The following RBM38 variants were observed in gnomAD, a reference collection of about 807,000 sequenced individuals.
RBM38 encodes the protein RNA binding motif protein 38, also known as RNA-binding protein 38.
A neutral mutation model predicts 23.5 loss-of-function variants in RBM38; 11 were observed. The ratio of observed to expected loss-of-function variants is 0.47; its 90% CI spans 0.29 to 0.77. The LOEUF (loss-of-function observed/expected upper bound fraction) is 0.77. RBM38 is among the 30% of genes least tolerant of loss of function. RBM38 has a pLI of 0.08. For synonymous variants in RBM38, 165 were observed against 166.1 expected (o/e 0.99, Z 0.05); for missense variants, 330 against 351.9 (o/e 0.94, Z 0.50).
At chr20:57,391,989 C>T (rs1427887550) in intron 1 of RBM38, among the ~76,000 whole-genome samples, 171 bp downstream of exon 1, 1 of 138,184 alleles carries the variant, frequency 7.2e-6, no homozygotes, top group African/African-American at 2.6e-5. Context: ...CTGCCGGTCC[C>T]GCCCCCACCA....
chr20:57,393,877 C>G (rs1042942871), intron 3 of RBM38, among the ~76,000 whole-genome samples: 1 of 152,094 alleles, frequency 6.6e-6, no homozygotes, highest in Non-Finnish European at 1.5e-5. Flanking sequence ...CTATGGGCTT[C>G]TAGTCTGACT....
At position 57,407,735 on chromosome 20, in the gene RBM38, G is replaced by T. The variant is rs1034159207; in HGVS notation, c.609G>T (p.Val203=). ...AASPATAASF[V]GYSYPAAVPQ... is the part of the protein sequence containing the mutation. Reference sequence around the variant, plus strand: ...CGCCTGCCACGGCTGCCAGCTTCGTGGGCTACAGCTACCCTGCCGCCGTGC... The same window carrying T: ...CGCCTGCCACGGCTGCCAGCTTCGTTGGCTACAGCTACCCTGCCGCCGTGC... The change falls in exon 4 of 4, where the codon GTG becomes GTT. Residue 203 remains valine (V), a synonymous_variant. Coordinates refer to ENST00000356208, the MANE Select transcript of RBM38 (RefSeq NM_017495.6). This position sits in a 1 kb window ranked among gnomAD's most constrained non-coding sequence, Gnocchi z 4.0. 2 of 1,611,560 alleles carry T rather than the reference G, an allele frequency of 1.2e-6. No homozygotes were observed. Among genetic ancestry groups the T allele is most frequent in the South Asian group, 2.2e-5 (2 of 90,990 alleles).
intron 1 of RBM38, chr20:57,392,350 G>A (rs1220358831): frequency 3.7e-6 from 5 of 1,349,344 alleles, no homozygotes; most frequent in Non-Finnish European, 5.0e-6. Context: ...AAGTCCAGGC[G>A]GCCCCCCAAG....
chr20:57,408,738 C>G lies in RBM38; in HGVS notation c.*892C>G, dbSNP rs1461883221. ...GGAGGCCCCTCAGGCCCGTGCGGGC[C>G]ACTGTCTGCTGCCGCCTGCCGGGGT... On this transcript the variant is annotated 3_prime_UTR_variant, in exon 4 of 4. Transcript: ENST00000356208. 2.0e-5 allele frequency: 3 copies of G among 152,210 alleles called. No homozygotes were observed. The highest frequency in any genetic ancestry group is 4.4e-5 in the Non-Finnish European group (3 of 68,032). The allele number at this position is 152,210 out of a possible 1,614,324, so 9.4% of individuals were successfully genotyped here.
Position 57,391,639 on chromosome 20 carries a change from G to T in RBM38, c.58G>T (p.Ala20Ser). The T allele has an allele frequency of 1.4e-6, 2 of 1,460,334 alleles. No individual in the cohort carries two copies. The highest frequency in any genetic ancestry group is 3.1e-5 in the East Asian group (1 of 32,734). The allele number at this position is 1,460,334 out of a possible 1,614,324, so 90.5% of individuals were successfully genotyped here. ...PSAGFPRPLA[A>S]PGAMHGSQKD... ...CGCGGGCTTCCCGCGGCCCCTGGCCGCCCCCGGCGCCATGCACGGCTCGCA... is the reference window on the plus strand; with the variant it reads ...CGCGGGCTTCCCGCGGCCCCTGGCCTCCCCCGGCGCCATGCACGGCTCGCA... The change falls in exon 1 of 4, where the codon GCC becomes TCC. Residue 20 changes from alanine to serine, a missense_variant. This residue lies in a region of RBM38 where 95 missense variants were observed against 111.9 expected (regional missense o/e 0.85). Transcript: ENST00000356208.
intron 2 of RBM38, chr20:57,393,009 C>T (rs1052757179): frequency 2.2e-5 from 15 of 679,586 alleles, no homozygotes; most frequent in African/African-American, 5.4e-5. Flanking sequence ...ACCCCAGTTG[C>T]CAGCTGTCCT....
chr20:57,399,890 G>T (rs1267483087), intron 3 of RBM38: 1 of 456,350 alleles, frequency 2.2e-6, no homozygotes, highest in Admixed American at 2.3e-5. Context: ...CAGGGAAAGT[G>T]AAATGGGCTC....
Position 57,408,165 on chromosome 20 carries a change from C to G in RBM38, c.*319C>G. The G allele has an allele frequency of 2.2e-6, 1 of 449,916 alleles. No homozygotes were observed. The highest frequency in any genetic ancestry group is 4.1e-6 in the Non-Finnish European group (1 of 242,992). The allele number at this position is 449,916 out of a possible 1,614,324, so 27.9% of individuals were successfully genotyped here. A position where few individuals can be genotyped will look rare whatever the true frequency, so the allele number is the denominator to read the frequency against. ...CCTGCCTCTCCACACTCCAGGTTCC[C>G]TCAGGCTTGTGTCCCCACTGCTGCA... On this transcript the variant is annotated 3_prime_UTR_variant, in exon 4 of 4. Coordinates refer to ENST00000356208, the MANE Select transcript of RBM38 (RefSeq NM_017495.6).
chr20:57,402,704 C>A (rs1014137348), intron 3 of RBM38, among the ~76,000 whole-genome samples: 1 of 152,246 alleles, frequency 6.6e-6, no homozygotes, highest in Non-Finnish European at 1.5e-5. Context: ...GGCAGTGAAG[C>A]CTTGGGCCTG....
At chr20:57,398,679 C>T (rs2067299057) in intron 3 of RBM38, among the ~76,000 whole-genome samples, 1 of 152,264 alleles carries the variant, frequency 6.6e-6, no homozygotes, top group East Asian at 1.9e-4. Flanking sequence ...AGAAAGCAGC[C>T]TTTGGGTGGC....
At position 57,394,650 on chromosome 20, in the gene RBM38, A is replaced by G. The variant is rs192559648; in HGVS notation, c.416+1317A>G. ...CGTCTCGTCCTGGAATCTGTTTTGT[A>G]GATGTCTAGAGTCGTCTTAGAGGGT... On this transcript the variant is annotated intron_variant, in intron 3 of 3. Transcript: ENST00000356208. Among the ~76,000 whole-genome samples, 369 of 152,192 alleles carry G rather than the reference A, an allele frequency of 2.4e-3. 1 individual carries two copies. Among genetic ancestry groups the G allele is most frequent in the African/African-American group, 8.4e-3 (349 of 41,496 alleles).
rs576325524 is a variant in RBM38, at chr20:57,393,000, C to T, written c.361+223C>T. 52 of 694,284 alleles carry T rather than the reference C, an allele frequency of 7.5e-5. No homozygotes were observed. The Admixed American group carries it at 1.1e-3, about 14-fold the overall frequency. 43.0% of individuals were successfully genotyped at this position (694,284 alleles called of 1,614,324 possible). A position where few individuals can be genotyped will look rare whatever the true frequency, so the allele number is the denominator to read the frequency against. ...GGCGGGGGGCAGGGAGGGTACTGCA[C>T]CCCAGTTGCCAGCTGTCCTCGCAGG... On this transcript the variant is annotated intron_variant, in intron 2 of 3. Coordinates refer to ENST00000356208, the MANE Select transcript of RBM38 (RefSeq NM_017495.6).
intron 3 of RBM38, among the ~76,000 whole-genome samples, chr20:57,401,940 GT>G (rs1032037496): frequency 6.6e-6 from 1 of 152,064 alleles, no homozygotes; most frequent in Non-Finnish European, 1.5e-5. Flanking sequence ...GTGATGGGGT[GT>G]TGATGTTTTC....
At chr20:57,399,372 G>A (rs889831979) in intron 3 of RBM38, among the ~76,000 whole-genome samples, 4 of 152,334 alleles carry the variant, frequency 2.6e-5, no homozygotes, top group African/African-American at 7.2e-5. Flanking sequence ...GGCCCTTAGA[G>A]GATGCCCAGT....
chr20:57,392,487 C>A, intron 1 of RBM38, 167 bp from the exon 2 acceptor site: 1 of 1,533,664 alleles, frequency 6.5e-7, no homozygotes, highest in Non-Finnish European at 8.7e-7. Context: ...TGTGGGAGAG[C>A]CCCAGGTAGG....
At position 57,407,634 on chromosome 20, in the gene RBM38, A is replaced by C. The variant is rs1043951654; in HGVS notation, c.508A>C (p.Ile170Leu). ...TGTCCCGTCGCTGTCCTCGCCCTAC[A>C]TTGAGTACACGCCGGCCAGCCCGGC... is the stretch of plus-strand genomic sequence containing the variant. ...APVPSLSSPY[I>L]EYTPASPAYA... is the part of the protein sequence containing the mutation. The change falls in exon 4 of 4, where the codon ATT becomes CTT. Residue 170 changes from isoleucine (I) to leucine (L), a missense_variant. Around this residue, in one of 3 missense-constraint regions of RBM38, gnomAD observed 227 missense variants for 216.4 expected, o/e 1.05. Transcript: ENST00000356208. This position sits in a 1 kb window ranked among gnomAD's most constrained non-coding sequence, Gnocchi z 4.0. The C allele has an allele frequency of 6.2e-7, 1 of 1,613,446 alleles. No individual in the cohort carries two copies. Among genetic ancestry groups the C allele is most frequent in the East Asian group, 2.2e-5 (1 of 44,886 alleles).
At position 57,391,496 on chromosome 20, in the gene RBM38, G is replaced by T. The variant is rs1195554316; in HGVS notation, c.-86G>T. On this transcript the variant is annotated 5_prime_UTR_variant, in exon 1 of 4. Transcript: ENST00000356208. Reference sequence around the variant, plus strand: ...GGTCGGGCCTGGCGGCTGGACGGGCGCCCCTCGCTGCCCCGCGCGCTCCCC... The same window carrying T: ...GGTCGGGCCTGGCGGCTGGACGGGCTCCCCTCGCTGCCCCGCGCGCTCCCC... The T allele has an allele frequency of 2.1e-5, 5 of 242,220 alleles. No homozygotes were observed. In the East Asian group the frequency reaches 7.2e-4, roughly 35 times the overall value. 15.0% of individuals were successfully genotyped at this position (242,220 alleles called of 1,614,324 possible).
chr20:57,392,983 G>T, intron 2 of RBM38: 1 of 755,140 alleles, frequency 1.3e-6, no homozygotes, highest in Non-Finnish European at 2.1e-6. Flanking sequence ...GGGGCGGGGG[G>T]CAGGGAGGGT....
chr20:57,392,841 G>C, intron 2 of RBM38, 64 bp downstream of exon 2: 1 of 1,576,708 alleles, frequency 6.3e-7, no homozygotes. Flanking sequence ...GGTATCTGTC[G>C]GGTGGAAAGA....
Sources: allele counts gnomAD v4.1 joint callset (sites outside exome capture counted in the v4.1 genomes callset), GRCh38; gene constraint gnomAD v4.1.1; regional missense constraint gnomAD v4.1.1; non-coding constraint Gnocchi (gnomAD v3.1); transcripts MANE v1.5; gene names NCBI Gene and HGNC (gene_info 2026-07-23, HGNC 2026-07-21).